Variants in UBXN8 observed in about 807,000 individuals in gnomAD.
UBXN8 encodes the protein UBX domain protein 8.
A neutral mutation model predicts 32.1 loss-of-function variants in UBXN8; 27 were observed. The ratio of observed to expected loss-of-function variants is 0.84; its 90% CI spans 0.62 to 1.16. The LOEUF is 1.16. UBXN8 is among the 50% of genes most tolerant of loss of function. The pLI is 0.00. For missense variants in UBXN8, 306 were observed against 311.4 expected, an observed-to-expected ratio of 0.98 and a Z score of 0.13; for synonymous variants, 109 against 111.8, an observed-to-expected ratio of 0.98 and a Z score of 0.16.
chr8:30,739,437 G>A (rs150118260), upstream of UBXN8, among the ~76,000 whole-genome samples: 2,590 of 152,110 alleles, frequency 0.017, 36 homozygotes, highest in South Asian at 0.024. Context: ...CCAGCTACTC[G>A]GGAGGCTGAG....
At chr8:30,759,171 G>A (rs1805758172) in intron 5 of UBXN8, among the ~76,000 whole-genome samples, 2 of 151,978 alleles carry the variant, frequency 1.3e-5, no homozygotes, top group Non-Finnish European at 1.5e-5. Context: ...GGGATTACAG[G>A]CGTGAGCCAC....
upstream of UBXN8, among the ~76,000 whole-genome samples, chr8:30,742,622 G>A (rs756520159): frequency 1.8e-4 from 28 of 152,288 alleles, no homozygotes; most frequent in Middle Eastern, 6.8e-3. Flanking sequence ...GAATACAGGA[G>A]TGAGCTACCG....
intron 7 of UBXN8, 132 bp downstream of exon 7, chr8:30,763,479 CA>C: frequency 1.2e-6 from 1 of 862,252 alleles, no homozygotes; most frequent in Non-Finnish European, 1.8e-6. Flanking sequence ...AGGACATTTC[CA>C]GGTACTCCAC....
At position 30,758,987 on chromosome 8, in the gene UBXN8, G is replaced by A. The variant is rs952147591; in HGVS notation, c.529-1901G>A. 2.8e-5 allele frequency among the ~76,000 whole-genome samples: 4 copies of A among 142,692 alleles called. 1 individual carries two copies. Among genetic ancestry groups the A allele is most frequent in the Non-Finnish European group, 4.5e-5 (3 of 66,594 alleles). The allele number at this position is 142,692 out of a possible 152,430, so 93.6% of individuals were successfully genotyped here. A position where few individuals can be genotyped will look rare whatever the true frequency, so the allele number is the denominator to read the frequency against. On this transcript the variant is annotated intron_variant, in intron 5 of 7. Transcript: ENST00000265616. The stretch of plus-strand genomic sequence containing the variant: ...CGGCTCACTGCAAGCTCCTCCTCCC[G>A]GCTTCACGCCATTCTCCTGCCTCAG...
intron 5 of UBXN8, among the ~76,000 whole-genome samples, chr8:30,758,882 TTTG>T (rs1563564573): frequency 1.5e-4 from 17 of 115,802 alleles, no homozygotes; most frequent in Non-Finnish European, 2.1e-4. Flanking sequence ...GTTTTTTTTG[TTTG>T]TTTTTTTTGT....
At position 30,753,456 on chromosome 8, in the gene UBXN8, T is replaced by C. The variant is rs568455560; in HGVS notation, c.282+351T>C. Reference sequence around the variant, plus strand: ...ATTTTTAGTAGAGATGTTGTTTTGCTATGTTGACCAGGCTGGTCTTAAACT... The same window carrying C: ...ATTTTTAGTAGAGATGTTGTTTTGCCATGTTGACCAGGCTGGTCTTAAACT... On this transcript the variant is annotated intron_variant, in intron 3 of 7. Coordinates refer to ENST00000265616, the MANE Select transcript of UBXN8 (RefSeq NM_005671.4). Among the ~76,000 whole-genome samples the C allele has an allele frequency of 2.0e-5, 3 of 152,174 alleles. No individual in the cohort carries two copies. In the East Asian group the frequency reaches 5.8e-4, roughly 29 times the overall value.
chr8:30,747,307 G>GTTTTT (rs59568820), intron 1 of UBXN8, among the ~76,000 whole-genome samples: 16 of 81,722 alleles, frequency 2.0e-4, no homozygotes, highest in African/African-American at 3.7e-4. Flanking sequence ...CCTCAGTGGT[G>GTTTTT]TTTTTTTTTT....
chr8:30,758,645 G>C (rs1805728372), intron 5 of UBXN8, among the ~76,000 whole-genome samples: 1 of 152,172 alleles, frequency 6.6e-6, no homozygotes, highest in South Asian at 2.1e-4. Flanking sequence ...CTTTGAAAAA[G>C]ATCGATATGA....
chr8:30,731,920 C>T (rs888297487), upstream of UBXN8, among the ~76,000 whole-genome samples: 4 of 152,188 alleles, frequency 2.6e-5, no homozygotes, highest in African/African-American at 9.6e-5. Context: ...ACAGGATTTG[C>T]GCTTGGTTAA....
At chr8:30,762,654 A>C (rs940265720) in intron 6 of UBXN8, among the ~76,000 whole-genome samples, 1 of 152,096 alleles carries the variant, frequency 6.6e-6, no homozygotes, top group Non-Finnish European at 1.5e-5. Context: ...TGGCCCCCCA[A>C]AGTGCTGGGA....
intron 7 of UBXN8, among the ~76,000 whole-genome samples, chr8:30,765,663 C>T (rs370447284): frequency 4.4e-4 from 66 of 150,930 alleles, no homozygotes; most frequent in African/African-American, 1.6e-3. Flanking sequence ...AAATCATTCT[C>T]CCTCCTCAGC....
At chr8:30,733,049 C>T (rs1805002309) in exon 1 of UBXN8, 1 of 152,258 alleles carries the variant, frequency 6.6e-6, no homozygotes, top group Non-Finnish European at 1.5e-5. Context: ...TATCAGAGAG[C>T]CCTGTTGAGC....
At chr8:30,739,640 A>G (rs1805153919), upstream of UBXN8, among the ~76,000 whole-genome samples, 1 of 152,186 alleles carries the variant, frequency 6.6e-6, no homozygotes, top group Non-Finnish European at 1.5e-5. Flanking sequence ...GTGTCAATAT[A>G]TATTTCCTGT....
At chr8:30,764,806 C>T (rs1805953245) in intron 7 of UBXN8, among the ~76,000 whole-genome samples, 1 of 152,186 alleles carries the variant, frequency 6.6e-6, no homozygotes, top group Admixed American at 6.6e-5. Flanking sequence ...AATCCCAGCA[C>T]TTTGGGAGGC....
rs547293636 is a variant in UBXN8, at chr8:30,758,874, T to C, written c.528+1987T>C. Among the ~76,000 whole-genome samples the C allele has an allele frequency of 1.6e-4, 18 of 109,262 alleles. 1 individual carries two copies. The highest frequency in any genetic ancestry group is 3.0e-4 in the Non-Finnish European group (16 of 52,980). The allele number at this position is 109,262 out of a possible 152,430, so 71.7% of individuals were successfully genotyped here. Reference sequence around the variant, plus strand: ...AGATGAAGTCATTGGTAACAAATGTTTTTTTTGTTTGTTTTTTTTGTTTTT... The same window carrying C: ...AGATGAAGTCATTGGTAACAAATGTCTTTTTTGTTTGTTTTTTTTGTTTTT... On this transcript the variant is annotated intron_variant, in intron 5 of 7. Coordinates refer to ENST00000265616, the MANE Select transcript of UBXN8 (RefSeq NM_005671.4).
At chr8:30,736,880 C>T (rs2128751876) in intron 1 of UBXN8, among the ~76,000 whole-genome samples, 1 of 152,270 alleles carries the variant, frequency 6.6e-6, no homozygotes, top group Non-Finnish European at 1.5e-5. Flanking sequence ...AAATGTAGTA[C>T]TACCACACTG....
chr8:30,729,491 G>T (rs2128751167), upstream of UBXN8, among the ~76,000 whole-genome samples: 1 of 152,138 alleles, frequency 6.6e-6, no homozygotes, highest in East Asian at 1.9e-4. Context: ...GACCTGGCTT[G>T]GATTACTGGA....
chr8:30,766,146 T>C, intron 7 of UBXN8, 81 bp from the exon 8 acceptor site: 1 of 1,388,304 alleles, frequency 7.2e-7, no homozygotes, highest in East Asian at 2.4e-5. Flanking sequence ...ATTGACAAAA[T>C]TATAAAATGT....
In UBXN8 at chr8:30,756,904, C is replaced by T. The variant is rs992028591; in HGVS notation, c.528+17C>T. On this transcript the variant is annotated intron_variant, in intron 5 of 7. Coordinates refer to ENST00000265616, the MANE Select transcript of UBXN8 (RefSeq NM_005671.4). The stretch of plus-strand genomic sequence containing the variant: ...TGCAAGGAGGTAAAGTACTTCATGC[C>T]TCTCATTGAATTGTGTCTGTGTGCA... The T allele has an allele frequency of 6.2e-7, 1 of 1,613,458 alleles. No homozygotes were observed. Among genetic ancestry groups the T allele is most frequent in the Non-Finnish European group, 8.5e-7 (1 of 1,179,648 alleles).
Sources: allele counts gnomAD v4.1 joint callset (sites outside exome capture counted in the v4.1 genomes callset), GRCh38; gene constraint gnomAD v4.1.1; transcripts MANE v1.5; gene names NCBI Gene and HGNC (gene_info 2026-07-23, HGNC 2026-07-21).